MAPK10: variants seen among roughly 807,000 people sequenced by gnomAD.
MAPK10 encodes mitogen-activated protein kinase 10.
Under a neutral mutation model 59.3 loss-of-function variants are expected in MAPK10, and 25 were observed. The observed-to-expected ratio is 0.42, with a 90% CI of 0.31 to 0.59. The LOEUF (loss-of-function observed/expected upper bound fraction) is 0.59. Ranked by LOEUF, MAPK10 falls within the 20% of genes least tolerant of loss-of-function variation. The pLI is 0.15. For synonymous variants in MAPK10, 190 were observed against 200.5 expected, an observed-to-expected ratio of 0.95 and a Z score of 0.44; for missense variants, 351 against 568.9, an observed-to-expected ratio of 0.62 and a Z score of 3.90.
chr4:86,459,715 G>T (rs1171241981), intron 1 of MAPK10, among the ~76,000 whole-genome samples: 1 of 152,154 alleles, frequency 6.6e-6, no homozygotes, highest in Non-Finnish European at 1.5e-5. Context: ...GCTAAGCTAT[G>T]AGGATGCAAA....
rs1325330889 is a variant in MAPK10 at position 86,159,175 on chromosome 4, G to C, written c.236+123C>G. On this transcript the variant is annotated intron_variant, in intron 4 of 13. Transcript: ENST00000641462. ...TAATGTTATTTTTTTTTCTTCAGTA[G>C]GATTATTTTTCCCTCCCAAATTATG... The C allele has an allele frequency of 4.4e-6, 3 of 677,596 alleles. No individual in the cohort carries two copies. The Admixed American group carries it at 9.7e-5, about 22-fold the overall frequency. The allele number at this position is 677,596 out of a possible 1,614,324, so 42.0% of individuals were successfully genotyped here. A position where few individuals can be genotyped will look rare whatever the true frequency, so the allele number is the denominator to read the frequency against.
At chr4:86,311,333 T>C (rs2095665564) in intron 2 of MAPK10, among the ~76,000 whole-genome samples, 1 of 152,138 alleles carries the variant, frequency 6.6e-6, no homozygotes, top group Non-Finnish European at 1.5e-5. Context: ...TTTACCTCTT[T>C]TATGATTCTC....
chr4:86,431,311 C>T (rs747857518), intron 1 of MAPK10, among the ~76,000 whole-genome samples: 7 of 151,958 alleles, frequency 4.6e-5, no homozygotes, highest in East Asian at 3.9e-4. Flanking sequence ...GATATATAAA[C>T]GTTATAAACA....
At chr4:86,198,295 T>C (rs189130373) in intron 2 of MAPK10, among the ~76,000 whole-genome samples, 31 of 152,122 alleles carry the variant, frequency 2.0e-4, no homozygotes, top group Non-Finnish European at 1.2e-4. Context: ...TACAAAAGAT[T>C]TGGGTTCCCT....
At chr4:86,535,730 A>AATT (rs747320873) in intron 1 of MAPK10, among the ~76,000 whole-genome samples, 2 of 152,318 alleles carry the variant, frequency 1.3e-5, no homozygotes, top group South Asian at 4.1e-4. Context: ...AATACTCTTT[A>AATT]ATTTACTTTG....
chr4:86,323,962 A>T (rs1040087840), intron 2 of MAPK10, among the ~76,000 whole-genome samples: 3 of 152,230 alleles, frequency 2.0e-5, no homozygotes, highest in Admixed American at 1.3e-4. Context: ...TACTAACCAA[A>T]TCTAAATAGT....
chr4:86,433,384 GACTCCTTT>G (rs1748297334), intron 1 of MAPK10, among the ~76,000 whole-genome samples: 1 of 151,926 alleles, frequency 6.6e-6, no homozygotes, highest in African/African-American at 2.4e-5. Flanking sequence ...CAAAAGGTTG[GACTCCTTT>G]CCTGAAGGCA....
At chr4:86,391,770 A>G (rs780375597) in intron 1 of MAPK10, among the ~76,000 whole-genome samples, 8 of 152,208 alleles carry the variant, frequency 5.3e-5, no homozygotes, top group Admixed American at 1.3e-4. Context: ...AAATAGTACT[A>G]AAACAAGTGA....
intron 9 of MAPK10, among the ~76,000 whole-genome samples, chr4:86,097,810 G>C (rs952167374): frequency 2.0e-5 from 3 of 151,980 alleles, no homozygotes; most frequent in Admixed American, 6.6e-5. Flanking sequence ...AGCTCTACAA[G>C]AAATTTCTGA....
chr4:86,370,364 G>T (rs897238014), intron 1 of MAPK10, among the ~76,000 whole-genome samples: 1 of 151,850 alleles, frequency 6.6e-6, no homozygotes, highest in African/African-American at 2.4e-5. Flanking sequence ...TCTTTCACAA[G>T]AAATAGATAA....
chr4:86,026,129 A>C (rs1486058134), intron 13 of MAPK10, among the ~76,000 whole-genome samples: 2 of 152,230 alleles, frequency 1.3e-5, no homozygotes, highest in African/African-American at 4.8e-5. Context: ...TTTGATTTAG[A>C]GATTTTGAAA....
chr4:86,285,761 G>C (rs2094982723), intron 2 of MAPK10, among the ~76,000 whole-genome samples: 1 of 152,176 alleles, frequency 6.6e-6, no homozygotes. Context: ...AAAGTCCCAT[G>C]ATCTGCCTTC....
intron 2 of MAPK10, among the ~76,000 whole-genome samples, chr4:86,263,726 C>T (rs1199036697): frequency 1.3e-5 from 2 of 152,214 alleles, no homozygotes; most frequent in East Asian, 3.9e-4. Context: ...CTCTGAGCCT[C>T]TGTTTCTTCT....
intron 1 of MAPK10, among the ~76,000 whole-genome samples, chr4:86,517,187 T>C (rs1756736728): frequency 6.6e-6 from 1 of 152,146 alleles, no homozygotes; most frequent in African/African-American, 2.4e-5. Flanking sequence ...TTGTTTTTAC[T>C]TCTATTTATG....
chr4:86,147,601 C>T (rs1581280664), intron 4 of MAPK10, among the ~76,000 whole-genome samples: 3 of 152,212 alleles, frequency 2.0e-5, no homozygotes, highest in Admixed American at 2.0e-4. Flanking sequence ...GACTATTTAT[C>T]TCTCTTACAT....
At position 86,232,655 on chromosome 4, in the gene MAPK10, G is replaced by A. The variant is rs927516604; in HGVS notation, c.-6-38248C>T. Among the ~76,000 whole-genome samples the A allele has an allele frequency of 5.4e-5, 8 of 149,352 alleles. No homozygotes were observed. In the East Asian group the frequency reaches 1.5e-3, roughly 29 times the overall value. On this transcript the variant is annotated intron_variant, in intron 2 of 13. Transcript: ENST00000641462. ...CCCAAAGTGCTGGGATTACAGGCGTGAGCCACCACGCCCGGCCTAGAGTCA... is the reference window on the plus strand; with the variant it reads ...CCCAAAGTGCTGGGATTACAGGCGTAAGCCACCACGCCCGGCCTAGAGTCA...
chr4:86,196,241 C>T (rs1295633612), intron 2 of MAPK10, among the ~76,000 whole-genome samples: 5 of 152,126 alleles, frequency 3.3e-5, no homozygotes, highest in Non-Finnish European at 7.4e-5. Flanking sequence ...TGTTTCCTGA[C>T]TTTTTAATGA....
intron 9 of MAPK10, among the ~76,000 whole-genome samples, chr4:86,094,231 AG>A (rs1401546120): frequency 1.3e-5 from 2 of 151,922 alleles, no homozygotes; most frequent in Non-Finnish European, 2.9e-5. Flanking sequence ...AGTTAATTTG[AG>A]GGTGTTTTTC....
At chr4:86,249,884 A>T (rs187179398) in intron 2 of MAPK10, among the ~76,000 whole-genome samples, 2 of 152,308 alleles carry the variant, frequency 1.3e-5, no homozygotes, top group Admixed American at 1.3e-4. Flanking sequence ...ATACCAAAAC[A>T]AACCACATTT....
Sources: gnomAD v4.1 joint callset for allele counts (sites outside exome capture counted in the v4.1 genomes callset) on GRCh38, gnomAD v4.1.1 for gene constraint, MANE v1.5 for transcripts, NCBI Gene and HGNC (gene_info 2026-07-23, HGNC 2026-07-21) for gene names.